FLT3: variants seen among roughly 807,000 people sequenced by gnomAD.
FLT3 encodes the protein fms related receptor tyrosine kinase 3.
A neutral mutation model predicts 126.6 loss-of-function variants in FLT3; 46 were observed. The ratio of observed to expected loss-of-function variants is 0.36; its 90% confidence interval spans 0.29 to 0.46. The LOEUF (loss-of-function observed/expected upper bound fraction) is 0.46, where lower values mean the gene tolerates loss of function less well. FLT3 is among the 20% of genes least tolerant of loss of function. The pLI is 1.00. For missense variants in FLT3, 1,069 were observed against 1,190.3 expected, an observed-to-expected ratio of 0.90 and a Z score of 1.50; for synonymous variants, 404 against 434.4, an observed-to-expected ratio of 0.93 and a Z score of 0.87.
intron 9 of FLT3, among the ~76,000 whole-genome samples, chr13:28,047,980 A>T (rs754904757): frequency 6.6e-6 from 1 of 152,210 alleles, no homozygotes; most frequent in Non-Finnish European, 1.5e-5. Flanking sequence ...ACTCTCAAAC[A>T]GGAAGTAAAA....
At chr13:28,029,327 G>A (rs1873107267) in intron 15 of FLT3, among the ~76,000 whole-genome samples, 1 of 143,896 alleles carries the variant, frequency 6.9e-6, no homozygotes, top group East Asian at 2.0e-4. Flanking sequence ...GGGAGGCAGA[G>A]GTTGCAGTGA....
intron 9 of FLT3, among the ~76,000 whole-genome samples, chr13:28,039,716 T>G (rs1163144770): frequency 6.6e-6 from 1 of 152,040 alleles, no homozygotes. Flanking sequence ...AGCCAGCTAA[T>G]TTTTATATTT....
At chr13:28,043,765 G>A (rs1287216820) in intron 9 of FLT3, among the ~76,000 whole-genome samples, 2 of 151,860 alleles carry the variant, frequency 1.3e-5, no homozygotes, top group African/African-American at 4.8e-5. Flanking sequence ...AGGATCACTT[G>A]AGCCCAGGAG....
At chr13:28,043,778 A>C (rs1250643727) in intron 9 of FLT3, among the ~76,000 whole-genome samples, 1 of 151,996 alleles carries the variant, frequency 6.6e-6, no homozygotes, top group Non-Finnish European at 1.5e-5. Flanking sequence ...CCCAGGAGTT[A>C]GAATCCAACC....
At chr13:28,035,876 T>A (rs1352548771) in intron 11 of FLT3, 59 bp downstream of exon 11, 3 of 1,367,066 alleles carry the variant, frequency 2.2e-6, no homozygotes, top group Non-Finnish European at 3.1e-6. Context: ...CATGAAAGAG[T>A]CAATAGGTCA....
intron 18 of FLT3, among the ~76,000 whole-genome samples, chr13:28,024,648 A>T (rs373370505): frequency 6.6e-6 from 1 of 152,242 alleles, no homozygotes; most frequent in Non-Finnish European, 1.5e-5. Context: ...TATGACTTTA[A>T]ATGAATAATC....
At chr13:28,062,442 T>G (rs1342868570) in intron 2 of FLT3, among the ~76,000 whole-genome samples, 3 of 152,060 alleles carry the variant, frequency 2.0e-5, no homozygotes, top group African/African-American at 7.2e-5. Flanking sequence ...GTATGACTCG[T>G]GTCCTTATAA....
chr13:28,043,744 G>A (rs1874593158), intron 9 of FLT3, among the ~76,000 whole-genome samples: 2 of 152,194 alleles, frequency 1.3e-5, no homozygotes, highest in Admixed American at 6.5e-5. Context: ...TACTCAGGAG[G>A]CTGAGGCGGG....
intron 3 of FLT3, among the ~76,000 whole-genome samples, chr13:28,061,148 G>A (rs7332632): frequency 0.96 from 146,313 of 151,768 alleles, 70,644 homozygotes; most frequent in East Asian, 1. Context: ...CTGAGGTCAG[G>A]AGTTCGAAGC....
chr13:28,070,403 C>T, intron 2 of FLT3, 88 bp downstream of exon 2: 2 of 1,076,174 alleles, frequency 1.9e-6, no homozygotes, highest in Non-Finnish European at 2.8e-6. Context: ...TAAAGAGAAG[C>T]CCATTTAGCC....
Position 28,028,296 on chromosome 13 carries a change from A to G in FLT3, c.1943-8T>C. On this transcript the variant is annotated splice_polypyrimidine_tract_variant and splice_region_variant and intron_variant, in intron 15 of 23. Transcript: ENST00000241453. ...CAGAGCTGTCTGCTTTTTCTGTCAAAGAAAGGAGCATTAAAAATGTAAAAC... is the reference window on the plus strand; with the variant it reads ...CAGAGCTGTCTGCTTTTTCTGTCAAGGAAAGGAGCATTAAAAATGTAAAAC... 1 of 1,407,640 alleles carries G rather than the reference A, an allele frequency of 7.1e-7. No individual in the cohort carries two copies. The highest frequency in any genetic ancestry group is 1.0e-6 in the Non-Finnish European group (1 of 993,638). 87.2% of individuals were successfully genotyped at this position (1,407,640 alleles called of 1,614,324 possible).
chr13:28,016,965 C>G (rs760409472), intron 20 of FLT3, among the ~76,000 whole-genome samples: 1 of 152,128 alleles, frequency 6.6e-6, no homozygotes, highest in Non-Finnish European at 1.5e-5. Flanking sequence ...CCCACATCAA[C>G]GCTATGAGGT....
In FLT3 at chr13:28,052,671, G is replaced by T; in HGVS notation, c.488C>A (p.Thr163Asn). The T allele has an allele frequency of 4.4e-6, 7 of 1,597,122 alleles. No individual in the cohort carries two copies. Among genetic ancestry groups the T allele is most frequent in the Non-Finnish European group, 6.0e-6 (7 of 1,166,262 alleles). The part of the protein sequence containing the change: ...TILFTVSIRN[T>N]LLYTLRRPYF... Reference sequence around the variant, plus strand: ...AGGTCTTCTTAATGTGTAAAGCAGGGTATCTAAAGCATCATAAGTTATTAA... The same window carrying T: ...AGGTCTTCTTAATGTGTAAAGCAGGTTATCTAAAGCATCATAAGTTATTAA... Residue 163 changes from threonine (T) to asparagine (N), a missense_variant, in exon 5 of 24, where the codon ACC becomes AAC. Thr to Asn is a moderately conservative substitution (Grantham distance 65, BLOSUM62 0). Transcript: ENST00000241453.
At chr13:28,084,661 T>A (rs555472409) in intron 1 of FLT3, among the ~76,000 whole-genome samples, 1 of 152,312 alleles carries the variant, frequency 6.6e-6, no homozygotes, top group South Asian at 2.1e-4. Flanking sequence ...TCAGAAGATA[T>A]ACTTTGTATG....
rs778838305 is a variant in FLT3, at chr13:28,024,857, T to C, written c.2290+4A>G. ...AAGTGCTACTACTTAGAATAAAATA[T>C]TACCTTCAGAGTGAAATGAATTCCC... On this transcript the variant is annotated splice_donor_region_variant and intron_variant, in intron 18 of 23. Transcript: ENST00000241453. 1.9e-6 allele frequency: 3 copies of C among 1,575,212 alleles called. No individual in the cohort carries two copies. The highest frequency in any genetic ancestry group is 2.6e-6 in the Non-Finnish European group (3 of 1,151,186).
chr13:28,013,460 T>C (rs1007839778), intron 23 of FLT3, among the ~76,000 whole-genome samples: 8 of 152,208 alleles, frequency 5.3e-5, no homozygotes, highest in African/African-American at 1.9e-4. Flanking sequence ...ATTAAGTGAC[T>C]TATCAAGTAA....
intron 18 of FLT3, among the ~76,000 whole-genome samples, chr13:28,024,113 T>C (rs1054712935): frequency 6.7e-6 from 1 of 148,708 alleles, no homozygotes; most frequent in Non-Finnish European, 1.5e-5. Context: ...TTCCATTTAC[T>C]CCTTCCTTTT....
At chr13:28,088,382 G>A (rs1878815670) in intron 1 of FLT3, among the ~76,000 whole-genome samples, 1 of 151,928 alleles carries the variant, frequency 6.6e-6, no homozygotes, top group South Asian at 2.1e-4. Context: ...CCACCTCCCA[G>A]GTTCAGGTGA....
chr13:28,098,929 A>G (rs1879646190), intron 1 of FLT3, among the ~76,000 whole-genome samples: 1 of 152,230 alleles, frequency 6.6e-6, no homozygotes, highest in South Asian at 2.1e-4. Context: ...TGGCATCAGA[A>G]GTCAGAATAG....
Sources: allele counts gnomAD v4.1 joint callset (sites outside exome capture counted in the v4.1 genomes callset), GRCh38; gene constraint gnomAD v4.1.1; transcripts MANE v1.5; gene names NCBI Gene and HGNC (gene_info 2026-07-23, HGNC 2026-07-21).